Variants in PLCB1 observed in about 807,000 individuals in gnomAD.
PLCB1 encodes 1-phosphatidylinositol 4,5-bisphosphate phosphodiesterase beta-1.
Under a neutral mutation model 161.8 loss-of-function variants are expected in PLCB1, and 46 were observed. The ratio of observed to expected loss-of-function variants is 0.28; its 90% CI spans 0.22 to 0.36. PLCB1 has a LOEUF of 0.36. Ranked by LOEUF, PLCB1 falls within the 10% of genes least tolerant of loss-of-function variation. PLCB1 has a pLI of 1.00. For missense variants in PLCB1, 1,016 were observed against 1,472.5 expected (o/e 0.69, Z 5.07); for synonymous variants, 517 against 503.7 (o/e 1.03, Z -0.35).
At position 8,828,099 on chromosome 20, in the gene PLCB1, T is replaced by C. The variant is rs182845884; in HGVS notation, c.3423+37838T>C. Among the ~76,000 whole-genome samples, 6 of 152,292 alleles carry C rather than the reference T, an allele frequency of 3.9e-5. No homozygotes were observed. The East Asian group carries it at 1.2e-3, about 29-fold the overall frequency. On this transcript the variant is annotated intron_variant, in intron 31 of 31. Transcript: ENST00000338037. Reference sequence around the variant, plus strand: ...TGAAGTCAATAAGGAGAAGGGAAAGTGTATCTAGAATTCATGCCCAGATTT... The same window carrying C: ...TGAAGTCAATAAGGAGAAGGGAAAGCGTATCTAGAATTCATGCCCAGATTT...
intron 3 of PLCB1, among the ~76,000 whole-genome samples, chr20:8,423,771 C>A (rs1410885279): frequency 6.6e-6 from 1 of 152,176 alleles, no homozygotes; most frequent in Non-Finnish European, 1.5e-5. Context: ...ACTAGTTCTG[C>A]CCCTTAAATT....
intron 2 of PLCB1, among the ~76,000 whole-genome samples, chr20:8,272,225 T>C (rs1323343711): frequency 6.6e-6 from 1 of 152,094 alleles, no homozygotes; most frequent in Non-Finnish European, 1.5e-5. Flanking sequence ...GGAAAGATCA[T>C]TTTCATATTG....
In PLCB1 at chr20:8,568,121, A is replaced by G. The variant is rs776502580; in HGVS notation, c.247-60173A>G. 3.3e-4 allele frequency among the ~76,000 whole-genome samples: 50 copies of G among 152,198 alleles called. 2 individuals are homozygous for G. The highest frequency in any genetic ancestry group is 8.8e-5 in the Non-Finnish European group (6 of 68,032). ...GTCATGTATTCTTGGAAAACAGGGT[A>G]TTCATGCAATCTTTAAAACACCGTC... On this transcript the variant is annotated intron_variant, in intron 3 of 31. Coordinates refer to ENST00000338037, the MANE Select transcript of PLCB1 (RefSeq NM_015192.4).
intron 20 of PLCB1, 78 bp downstream of exon 20, chr20:8,737,270 ATTAT>A (rs2123510844): frequency 2.6e-6 from 3 of 1,174,674 alleles, no homozygotes; most frequent in East Asian, 2.4e-5. Context: ...GAAATGGTGA[ATTAT>A]TTGTTATTTA....
intron 9 of PLCB1, among the ~76,000 whole-genome samples, chr20:8,661,081 C>T (rs1449221525): frequency 6.6e-6 from 1 of 152,172 alleles, no homozygotes; most frequent in Non-Finnish European, 1.5e-5. Context: ...TAAGTGTTAA[C>T]TCTTCTCAAT....
intron 17 of PLCB1, 96 bp downstream of exon 17, chr20:8,727,489 A>G (rs1385412087): frequency 6.9e-6 from 5 of 725,072 alleles, no homozygotes; most frequent in Non-Finnish European, 1.2e-5. Flanking sequence ...AGATGCATAA[A>G]ATGGCTTAAG....
chr20:8,638,283 C>T (rs1016547886), intron 4 of PLCB1, among the ~76,000 whole-genome samples: 1 of 151,974 alleles, frequency 6.6e-6, no homozygotes, highest in African/African-American at 2.4e-5. Context: ...ATAAAGGAGC[C>T]AAGGGATACT....
rs552373721 is a variant in PLCB1, at chr20:8,605,347, A to G, written c.247-22947A>G. Among the ~76,000 whole-genome samples the G allele has an allele frequency of 2.8e-4, 42 of 152,212 alleles. No individual in the cohort carries two copies. In the South Asian group the frequency reaches 5.0e-3, roughly 18 times the overall value. On this transcript the variant is annotated intron_variant, in intron 3 of 31. Transcript: ENST00000338037. ...ACAATATCAATATCATTTGAAGGCC[A>G]TATAGTATTTCCACTTATAGACGTA...
chr20:8,353,081 AG>A lies in PLCB1; in HGVS notation c.178-18299del, dbSNP rs543789806. 4.0e-3 allele frequency among the ~76,000 whole-genome samples: 604 copies of A among 152,230 alleles called. 3 individuals carry two copies. Among genetic ancestry groups the A allele is most frequent in the Non-Finnish European group, 6.8e-3 (461 of 67,988 alleles). On this transcript the variant is annotated intron_variant, in intron 2 of 31. Transcript: ENST00000338037. ...GTTTCTAGTGCCGTTCTTCAATAAA[AG>A]GAACTAGGGCTCTTGGAGAAATGGC...
intron 10 of PLCB1, 105 bp from the exon 11 acceptor site, chr20:8,697,521 T>C: frequency 9.7e-6 from 11 of 1,130,574 alleles, no homozygotes; most frequent in Non-Finnish European, 1.4e-5. Flanking sequence ...CTGCTGCAGC[T>C]CTTAGACTCT....
chr20:8,306,006 G>GA (rs1455413543), intron 2 of PLCB1: 1 of 152,192 alleles, frequency 6.6e-6, no homozygotes, highest in Admixed American at 6.6e-5. Flanking sequence ...GATGCCTCCA[G>GA]AAATGGGCTT....
chr20:8,827,102 A>C (rs1197201965), intron 31 of PLCB1, among the ~76,000 whole-genome samples: 1 of 152,226 alleles, frequency 6.6e-6, no homozygotes, highest in African/African-American at 2.4e-5. Context: ...ATAAAAGTTT[A>C]AGTTTATACT....
At chr20:8,754,112 GC>G (rs1195571639) in intron 23 of PLCB1, among the ~76,000 whole-genome samples, 1 of 152,132 alleles carries the variant, frequency 6.6e-6, no homozygotes, top group Non-Finnish European at 1.5e-5. Context: ...TAAAGTATTT[GC>G]CTGAATGTTT....
intron 3 of PLCB1, among the ~76,000 whole-genome samples, chr20:8,462,308 T>C (rs141689854): frequency 1.7e-3 from 264 of 152,306 alleles, no homozygotes; most frequent in African/African-American, 6.0e-3. Flanking sequence ...TCTGAAAATA[T>C]TGATAGTCCT....
At chr20:8,646,076 A>C (rs745765394) in intron 4 of PLCB1, 26 bp from the exon 5 acceptor site, 1 of 1,492,350 alleles carries the variant, frequency 6.7e-7, no homozygotes, top group Non-Finnish European at 9.4e-7. Context: ...ATTTAAGCTA[A>C]TGCAAGTGTT....
chr20:8,848,254 G>A (rs1396915297), intron 31 of PLCB1, among the ~76,000 whole-genome samples: 1 of 152,160 alleles, frequency 6.6e-6, no homozygotes, highest in African/African-American at 2.4e-5. Flanking sequence ...TGATCCTACG[G>A]AGTTAGGGTG....
chr20:8,798,733 G>A (rs1568604019), intron 31 of PLCB1, among the ~76,000 whole-genome samples: 1 of 152,156 alleles, frequency 6.6e-6, no homozygotes, highest in Non-Finnish European at 1.5e-5. Context: ...CACAATGACT[G>A]CTGACTCCCC....
At chr20:8,148,341 C>CAA (rs11472422) in intron 1 of PLCB1, among the ~76,000 whole-genome samples, 61,425 of 151,824 alleles carry the variant, frequency 0.4, 12,446 homozygotes, top group Middle Eastern at 0.46. Context: ...ATTATAATAT[C>CAA]GTTTATTTCC....
chr20:8,458,313 G>A (rs986231506), intron 3 of PLCB1, among the ~76,000 whole-genome samples: 5 of 152,156 alleles, frequency 3.3e-5, no homozygotes, highest in Admixed American at 6.5e-5. Context: ...GCCATTGTCC[G>A]TTTGTATATT....
Sources: gnomAD v4.1 joint callset for allele counts (sites outside exome capture counted in the v4.1 genomes callset) on GRCh38, gnomAD v4.1.1 for gene constraint, MANE v1.5 for transcripts, NCBI Gene and HGNC (gene_info 2026-07-23, HGNC 2026-07-21) for gene names.